PCDHAC2: variants seen among roughly 807,000 people sequenced by gnomAD.
The protein encoded by PCDHAC2 is protocadherin alpha subfamily C, 2.
Under a neutral mutation model 63.3 loss-of-function variants are expected in PCDHAC2, and 24 were observed. The ratio of observed to expected loss-of-function variants is 0.38; its 90% CI spans 0.27 to 0.53. The LOEUF (loss-of-function observed/expected upper bound fraction) is 0.53. Ranked by LOEUF, PCDHAC2 falls within the 20% of genes least tolerant of loss-of-function variation. PCDHAC2 has a pLI of 0.81. For missense variants in PCDHAC2, 1,181 were observed against 1,275.2 expected (o/e 0.93, Z 1.12); for synonymous variants, 569 against 529.4 (o/e 1.07, Z -1.03).
Position 140,967,137 on chromosome 5 carries a change from T to C in PCDHAC2, c.371T>C (p.Leu124Pro). 1.2e-6 allele frequency: 2 copies of C among 1,611,728 alleles called. No homozygotes were observed. The highest frequency in any genetic ancestry group is 1.7e-6 in the Non-Finnish European group (2 of 1,178,408). The change falls in exon 1 of 4, where the codon CTG becomes CCG. Residue 124 changes from leucine (L) to proline (P), a missense_variant. Physicochemically the swap from Leu to Pro is moderately conservative, Grantham distance 98 (BLOSUM62 -3). Coordinates refer to ENST00000289269, the MANE Select transcript of PCDHAC2 (RefSeq NM_018899.6). ...CGCTGCCTGCTCAGCTTGGAAGTGC[T>C]GGCGCACAACCCCGTGGCGGTGAGC... ...RPRCLLSLEV[L>P]AHNPVAVSAV...
Position 140,968,442 on chromosome 5 carries a change from T to C in PCDHAC2, c.1676T>C (p.Leu559Pro). ...GCTCAGGACAAGGGGAGCCCACCAC[T>C]GAGCAGCACTGTGACTGCCAACGTA... ...VEAQDKGSPPLSSTVTANVYV... is the reference protein window; with the variant it reads ...VEAQDKGSPPPSSTVTANVYV... The change falls in exon 1 of 4, where the codon CTG becomes CCG. Residue 559 changes from leucine to proline, a missense_variant. Coordinates refer to ENST00000289269, the MANE Select transcript of PCDHAC2 (RefSeq NM_018899.6). 1 of 1,614,068 alleles carries C rather than the reference T, an allele frequency of 6.2e-7. No homozygotes were observed. Among genetic ancestry groups the C allele is most frequent in the Non-Finnish European group, 8.5e-7 (1 of 1,180,024 alleles).
At chr5:140,973,782 C>CT (rs1461331270) in intron 1 of PCDHAC2, among the ~76,000 whole-genome samples, 7 of 152,208 alleles carry the variant, frequency 4.6e-5, no homozygotes, top group African/African-American at 1.7e-4. Flanking sequence ...TATAGGTTGC[C>CT]TATTGGCATG....
intron 3 of PCDHAC2, among the ~76,000 whole-genome samples, chr5:140,992,354 A>C (rs996986066): frequency 1.3e-5 from 2 of 152,184 alleles, no homozygotes; most frequent in Non-Finnish European, 2.9e-5. Context: ...TGGAGAGAGG[A>C]GAAAAATGGT....
Position 140,978,942 on chromosome 5 carries a change from T to C in PCDHAC2, c.2566-7T>C, listed in dbSNP as rs781997267. 5 of 1,614,058 alleles carry C rather than the reference T, an allele frequency of 3.1e-6. No individual in the cohort carries two copies. The African/African-American group carries it at 6.7e-5, about 22-fold the overall frequency. ...TTTAACAGAAAACTCTCTTTGTGAT[T>C]TTGCAGCCACGACAGCCCAACCCTG... is the stretch of plus-strand genomic sequence containing the variant. On this transcript the variant is annotated splice_region_variant and splice_polypyrimidine_tract_variant and intron_variant, in intron 1 of 3. Coordinates refer to ENST00000289269, the MANE Select transcript of PCDHAC2 (RefSeq NM_018899.6).
chr5:140,994,394 T>C (rs1332946220), intron 3 of PCDHAC2, among the ~76,000 whole-genome samples: 1 of 152,110 alleles, frequency 6.6e-6, no homozygotes, highest in African/African-American at 2.4e-5. Flanking sequence ...AGTCAGAGAT[T>C]ATTTGACATT....
intron 3 of PCDHAC2, among the ~76,000 whole-genome samples, chr5:140,992,716 G>A (rs1554253146): frequency 6.6e-6 from 1 of 152,160 alleles, no homozygotes; most frequent in African/African-American, 2.4e-5. Flanking sequence ...GCCAGTATTC[G>A]TAAATCCCAC....
intron 3 of PCDHAC2, among the ~76,000 whole-genome samples, chr5:141,003,459 GCAC>G (rs1442979686): frequency 6.6e-6 from 1 of 152,028 alleles, no homozygotes; most frequent in African/African-American, 2.4e-5. Context: ...TTACAGGCGT[GCAC>G]CACCACAGTC....
chr5:141,009,929 G>T lies in PCDHAC2; in HGVS notation c.3016G>T (p.Asp1006Tyr). Residue 1006 changes from aspartate to tyrosine, a missense_variant, in exon 4 of 4, where the codon GAC becomes TAC. This residue lies in a region of PCDHAC2 where 968 missense variants were observed against 1,073.5 expected (regional missense o/e 0.90). Transcript: ENST00000289269. Reference protein sequence around the residue: ...EKGNSTTDNSDQ With the variant: ...EKGNSTTDNSYQ ...AGGGAACAGCACGACTGACAACAGT[G>T]ACCAGTGAGGTCCTCAAATGGAAAC... 1 of 1,603,730 alleles carries T rather than the reference G, an allele frequency of 6.2e-7. No homozygotes were observed. The highest frequency in any genetic ancestry group is 1.1e-5 in the South Asian group (1 of 89,000).
At position 140,967,695 on chromosome 5, in the gene PCDHAC2, T is replaced by G; in HGVS notation, c.929T>G (p.Ile310Arg). 1 of 1,614,184 alleles carries G rather than the reference T, an allele frequency of 6.2e-7. No individual in the cohort carries two copies. The highest frequency in any genetic ancestry group is 8.5e-7 in the Non-Finnish European group (1 of 1,180,032). Reference sequence around the variant, plus strand: ...GACCGGGAGAGGCAGCTCTTCAGCATAGATGCCAGTACCGGGGAAGTGCGA... The same window carrying G: ...GACCGGGAGAGGCAGCTCTTCAGCAGAGATGCCAGTACCGGGGAAGTGCGA... ...TSDRERQLFSIDASTGEVRVI... is the reference protein window; with the variant it reads ...TSDRERQLFSRDASTGEVRVI... Residue 310 changes from isoleucine to arginine, a missense_variant, in exon 1 of 4, where the codon ATA becomes AGA. By Grantham distance (97) the Ile-to-Arg change is moderately conservative (BLOSUM62 -3). Coordinates refer to ENST00000289269, the MANE Select transcript of PCDHAC2 (RefSeq NM_018899.6).
intron 3 of PCDHAC2, among the ~76,000 whole-genome samples, chr5:141,009,291 T>G (rs115348370): frequency 2.9e-3 from 436 of 152,228 alleles, no homozygotes; most frequent in African/African-American, 9.9e-3. Flanking sequence ...CCCATTTCTA[T>G]AAAATTTTTT....
At position 140,984,181 on chromosome 5, in the gene PCDHAC2, C is replaced by T. The variant is rs995252456; in HGVS notation, c.2713+1618C>T. Among the ~76,000 whole-genome samples, 5 of 152,210 alleles carry T rather than the reference C, an allele frequency of 3.3e-5. No individual in the cohort carries two copies. In the East Asian group the frequency reaches 9.6e-4, roughly 29 times the overall value. Reference sequence around the variant, plus strand: ...ACTTCCCAAAGAAGCCACGTGAAATCATGACTTTCTACCTTGCCTTTATTT... The same window carrying T: ...ACTTCCCAAAGAAGCCACGTGAAATTATGACTTTCTACCTTGCCTTTATTT... On this transcript the variant is annotated intron_variant, in intron 3 of 3. Coordinates refer to ENST00000289269, the MANE Select transcript of PCDHAC2 (RefSeq NM_018899.6).
In PCDHAC2 at chr5:141,012,060, A is replaced by T. The variant is rs919882671; in HGVS notation, c.*2123A>T. 3.9e-5 allele frequency: 6 copies of T among 153,766 alleles called. No individual in the cohort carries two copies. The highest frequency in any genetic ancestry group is 8.8e-5 in the Non-Finnish European group (6 of 68,040). 9.5% of individuals were successfully genotyped at this position (153,766 alleles called of 1,614,324 possible). ...GCATGGGGTAAAACTTGTTACCAAC[A>T]CATGTGAACCATTGCTACATTGTAG... On this transcript the variant is annotated 3_prime_UTR_variant, in exon 4 of 4. Transcript: ENST00000289269.
Position 141,009,859 on chromosome 5 carries a change from G to A in PCDHAC2, c.2946G>A (p.Lys982=). The A allele has an allele frequency of 1.2e-6, 2 of 1,613,884 alleles. No homozygotes were observed. Among genetic ancestry groups the A allele is most frequent in the Non-Finnish European group, 1.7e-6 (2 of 1,179,960 alleles). The part of the protein sequence containing the change: ...TFGKKEETKK[K]KKKKKGNKTQ... ...GCAAAAAGGAGGAGACCAAGAAAAA[G>A]AAGAAAAAGAAGAAGGGTAACAAGA... The change falls in exon 4 of 4, where the codon AAG becomes AAA. Residue 982 remains lysine (K), a synonymous_variant. Transcript: ENST00000289269.
At position 141,010,104 on chromosome 5, in the gene PCDHAC2, T is replaced by G; in HGVS notation, c.*167T>G. ...TGTCTAGAACGCATTTAACAGGTTTTGTCGTAAAAGCTTTACTAAGTCTGG... is the reference window on the plus strand; with the variant it reads ...TGTCTAGAACGCATTTAACAGGTTTGGTCGTAAAAGCTTTACTAAGTCTGG... On this transcript the variant is annotated 3_prime_UTR_variant, in exon 4 of 4. Coordinates refer to ENST00000289269, the MANE Select transcript of PCDHAC2 (RefSeq NM_018899.6). 1 of 1,612,408 alleles carries G rather than the reference T, an allele frequency of 6.2e-7. No individual in the cohort carries two copies. Among genetic ancestry groups the G allele is most frequent in the Non-Finnish European group, 8.5e-7 (1 of 1,179,092 alleles).
chr5:140,998,743 T>A (rs2097832293), intron 3 of PCDHAC2, among the ~76,000 whole-genome samples: 1 of 152,138 alleles, frequency 6.6e-6, no homozygotes, highest in Non-Finnish European at 1.5e-5. Flanking sequence ...TTTGTATTTT[T>A]AGAAGAGACA....
rs1554262437 is a variant in PCDHAC2, at chr5:141,009,799, C to T, written c.2886C>T (p.Asn962=). 1 of 1,614,104 alleles carries T rather than the reference C, an allele frequency of 6.2e-7. No individual in the cohort carries two copies. Residue 962 remains asparagine (N), a synonymous_variant, in exon 4 of 4, where the codon AAC becomes AAT. Coordinates refer to ENST00000289269, the MANE Select transcript of PCDHAC2 (RefSeq NM_018899.6). ...AIISIRQEPT[N]SQIDKSDFIT... is the part of the protein sequence containing the mutation. ...TCTCCATCCGGCAGGAGCCTACTAACAGCCAAATTGACAAAAGTGACTTCA... is the reference window on the plus strand; with the variant it reads ...TCTCCATCCGGCAGGAGCCTACTAATAGCCAAATTGACAAAAGTGACTTCA...
At chr5:141,006,880 G>A (rs1554260955) in intron 3 of PCDHAC2, among the ~76,000 whole-genome samples, 1 of 152,192 alleles carries the variant, frequency 6.6e-6, no homozygotes, top group Non-Finnish European at 1.5e-5. Flanking sequence ...GAGGAATCAA[G>A]AGTTTGATTT....
At chr5:140,980,173 G>GA (rs2096879198) in intron 2 of PCDHAC2, among the ~76,000 whole-genome samples, 1 of 152,162 alleles carries the variant, frequency 6.6e-6, no homozygotes, top group Non-Finnish European at 1.5e-5. Flanking sequence ...GGTATCAGAA[G>GA]AAATTCTTTA....
intron 3 of PCDHAC2, among the ~76,000 whole-genome samples, chr5:140,992,671 T>C (rs932477687): frequency 1.3e-5 from 2 of 152,116 alleles, no homozygotes; most frequent in African/African-American, 4.8e-5. Context: ...GGTGTGTATG[T>C]GTGTGTTAGG....
Sources: allele counts gnomAD v4.1 joint callset (sites outside exome capture counted in the v4.1 genomes callset), GRCh38; gene constraint gnomAD v4.1.1; regional missense constraint gnomAD v4.1.1; transcripts MANE v1.5; gene names NCBI Gene and HGNC (gene_info 2026-07-23, HGNC 2026-07-21).